CERT1: variants seen among roughly 807,000 people sequenced by gnomAD.
CERT1 encodes ceramide transfer protein.
In CERT1, 31 loss-of-function variants were observed where a neutral mutation model predicts 87.9. That is an observed-to-expected ratio of 0.35 (90% CI 0.27 to 0.48). The LOEUF is 0.48. CERT1 is among the 20% of genes least tolerant of loss of function. CERT1 has a pLI of 0.99. For missense variants in CERT1, 487 were observed against 758.0 expected, an observed-to-expected ratio of 0.64 and a Z score of 4.20; for synonymous variants, 289 against 250.9, an observed-to-expected ratio of 1.15 and a Z score of -1.44.
chr5:75,411,590 G>C (rs757706269), intron 7 of CERT1, among the ~76,000 whole-genome samples: 1 of 152,114 alleles, frequency 6.6e-6, no homozygotes, highest in Non-Finnish European at 1.5e-5. Flanking sequence ...GGGATTACAG[G>C]TGTGAGCCAC....
At chr5:75,416,018 T>G (rs1305948479) in intron 7 of CERT1, among the ~76,000 whole-genome samples, 5 of 152,162 alleles carry the variant, frequency 3.3e-5, no homozygotes, top group African/African-American at 1.2e-4. Flanking sequence ...CCTAAACACA[T>G]AGTGCTATCA....
At chr5:75,386,475 A>G (rs555493073) in intron 12 of CERT1, among the ~76,000 whole-genome samples, 2 of 152,352 alleles carry the variant, frequency 1.3e-5, no homozygotes, top group East Asian at 1.9e-4. Flanking sequence ...GTTATTTGTT[A>G]AATCAATGGC....
chr5:75,503,381 A>G (rs1767475961), intron 2 of CERT1, among the ~76,000 whole-genome samples: 1 of 151,872 alleles, frequency 6.6e-6, no homozygotes, highest in Non-Finnish European at 1.5e-5. Context: ...ATATTTAAGG[A>G]AAAAAAATAC....
At chr5:75,392,030 T>C (rs1386263913) in intron 11 of CERT1, among the ~76,000 whole-genome samples, 2 of 152,222 alleles carry the variant, frequency 1.3e-5, no homozygotes, top group East Asian at 1.9e-4. Flanking sequence ...ATGCAGGTAG[T>C]TGTGTTTCTG....
chr5:75,510,892 T>G (rs577248793), intron 1 of CERT1, among the ~76,000 whole-genome samples: 6 of 152,246 alleles, frequency 3.9e-5, no homozygotes, highest in African/African-American at 1.2e-4. Flanking sequence ...ATCTCAGGTT[T>G]ATACACCCTT....
intron 9 of CERT1, chr5:75,401,795 C>G (rs919734537): frequency 6.6e-6 from 1 of 152,170 alleles, no homozygotes; most frequent in Non-Finnish European, 1.5e-5. Context: ...AGCATAATAG[C>G]CATGACTGTC....
At position 75,402,899 on chromosome 5, in the gene CERT1, A is replaced by T. The variant is rs572847418; in HGVS notation, c.1017+73T>A. On this transcript the variant is annotated intron_variant, in intron 9 of 16. Transcript: ENST00000643780. ...ACAATGTTCAAATTCTATTTACATG[A>T]AATAATATACACCAAGGAATGCCTA... is the stretch of plus-strand genomic sequence containing the variant. 12 of 876,594 alleles carry T rather than the reference A, an allele frequency of 1.4e-5. No individual in the cohort carries two copies. In the African/African-American group the frequency reaches 2.0e-4, roughly 15 times the overall value. 54.3% of individuals were successfully genotyped at this position (876,594 alleles called of 1,614,324 possible). A position where few individuals can be genotyped will look rare whatever the true frequency, so the allele number is the denominator to read the frequency against.
At chr5:75,455,873 A>G (rs1336046172) in intron 3 of CERT1, among the ~76,000 whole-genome samples, 1 of 152,140 alleles carries the variant, frequency 6.6e-6, no homozygotes, top group Non-Finnish European at 1.5e-5. Flanking sequence ...TTTAATCTAA[A>G]CCTGTTTCCT....
chr5:75,449,351 T>C (rs1197253381), intron 3 of CERT1, among the ~76,000 whole-genome samples: 2 of 152,168 alleles, frequency 1.3e-5, no homozygotes, highest in African/African-American at 4.8e-5. Context: ...GGCAGGTGAT[T>C]GGAGTTTTGT....
intron 14 of CERT1, among the ~76,000 whole-genome samples, chr5:75,383,157 T>TA: frequency 6.6e-6 from 1 of 152,214 alleles, no homozygotes; most frequent in Non-Finnish European, 1.5e-5. Context: ...GGGGTGATGA[T>TA]AAATTTCAGA....
intron 5 of CERT1, among the ~76,000 whole-genome samples, chr5:75,423,795 A>C (rs1417909261): frequency 1.3e-5 from 2 of 152,224 alleles, no homozygotes; most frequent in African/African-American, 4.8e-5. Context: ...ATAAACCTTA[A>C]AGTAGCCACT....
chr5:75,471,649 C>G (rs571928504), intron 2 of CERT1, among the ~76,000 whole-genome samples: 1 of 150,786 alleles, frequency 6.6e-6, no homozygotes, highest in East Asian at 2.0e-4. Context: ...GTCCCAGCTA[C>G]TCGGGAGGCT....
At chr5:75,371,918 C>T (rs1490492634) in intron 17 of CERT1, 1 of 152,128 alleles carries the variant, frequency 6.6e-6, no homozygotes, top group Non-Finnish European at 1.5e-5. Flanking sequence ...ATTCTGACCT[C>T]TTTTGGACTC....
chr5:75,369,033 C>T (rs1406156462), intron 17 of CERT1: 1 of 152,180 alleles, frequency 6.6e-6, no homozygotes, highest in Non-Finnish European at 1.5e-5. Context: ...CTGACTCAGC[C>T]TCCTGAGTAG....
At chr5:75,397,572 A>G (rs576480455) in intron 11 of CERT1, among the ~76,000 whole-genome samples, 2 of 152,280 alleles carry the variant, frequency 1.3e-5, no homozygotes, top group Admixed American at 1.3e-4. Context: ...TGCTGTCATT[A>G]TATTTTCTTT....
intron 2 of CERT1, among the ~76,000 whole-genome samples, chr5:75,467,928 TTTTA>T (rs1034626535): frequency 6.6e-6 from 1 of 152,212 alleles, no homozygotes; most frequent in African/African-American, 2.4e-5. Flanking sequence ...TTTTACAAGA[TTTTA>T]AGAATGTACA....
chr5:75,418,229 G>A (rs1381643705), intron 6 of CERT1, among the ~76,000 whole-genome samples: 1 of 152,086 alleles, frequency 6.6e-6, no homozygotes, highest in Non-Finnish European at 1.5e-5. Flanking sequence ...CCAAAGAGCA[G>A]ATATAAATGG....
intron 16 of CERT1, among the ~76,000 whole-genome samples, chr5:75,379,734 C>T (rs1468891929): frequency 1.3e-5 from 2 of 151,912 alleles, no homozygotes; most frequent in African/African-American, 2.4e-5. Context: ...TACAGGTGCA[C>T]GCCACCATGC....
chr5:75,438,728 A>T (rs1030613970), intron 3 of CERT1, among the ~76,000 whole-genome samples: 1 of 152,004 alleles, frequency 6.6e-6, no homozygotes, highest in Admixed American at 6.5e-5. Flanking sequence ...CCTCATACAA[A>T]TTTTTTGCAA....
Sources: allele counts gnomAD v4.1 joint callset (sites outside exome capture counted in the v4.1 genomes callset), GRCh38; gene constraint gnomAD v4.1.1; transcripts MANE v1.5; gene names NCBI Gene and HGNC (gene_info 2026-07-23, HGNC 2026-07-21).